Variants in OSBPL9 observed in about 807,000 individuals in gnomAD.
OSBPL9 encodes the protein oxysterol binding protein like 9, also known as oxysterol-binding protein-related protein 9.
OSBPL9 carries 40 observed loss-of-function variants against 106.6 expected under a neutral mutation model. The observed-to-expected ratio is 0.38, with a 90% confidence interval of 0.29 to 0.49. The LOEUF (loss-of-function observed/expected upper bound fraction) is 0.49, where lower values mean the gene tolerates loss of function less well. OSBPL9 is among the 20% of genes least tolerant of loss of function. OSBPL9 has a pLI of 0.97. For synonymous variants in OSBPL9, 269 were observed against 295.4 expected (o/e 0.91, Z 0.92); for missense variants, 609 against 887.2 (o/e 0.69, Z 3.98).
intron 2 of OSBPL9, among the ~76,000 whole-genome samples, chr1:51,663,840 A>G (rs538701516): frequency 9.8e-5 from 15 of 152,334 alleles, no homozygotes; most frequent in African/African-American, 3.6e-4. Context: ...AGAAACTTAA[A>G]CTATTTCACA....
chr1:51,744,767 C>A (rs1667618585), intron 4 of OSBPL9, among the ~76,000 whole-genome samples: 1 of 152,142 alleles, frequency 6.6e-6, no homozygotes. Flanking sequence ...ATTAAGAACT[C>A]AAAAGTTTCT....
intron 12 of OSBPL9, among the ~76,000 whole-genome samples, chr1:51,767,409 A>AG (rs1672799124): frequency 6.6e-6 from 1 of 151,376 alleles, no homozygotes; most frequent in South Asian, 2.1e-4. Flanking sequence ...AAAAAAAAAA[A>AG]GAAGTAGAAT....
intron 3 of OSBPL9, chr1:51,709,429 C>G: frequency 5.9e-6 from 1 of 170,120 alleles, no homozygotes; most frequent in South Asian, 1.5e-4. Flanking sequence ...TCCTGAGGGG[C>G]GGCTGGGGCC....
At chr1:51,642,842 A>G (rs1261487067) in intron 1 of OSBPL9, among the ~76,000 whole-genome samples, 2 of 152,202 alleles carry the variant, frequency 1.3e-5, no homozygotes, top group African/African-American at 2.4e-5. Flanking sequence ...AGACCAGTTG[A>G]AAACAAAAGA....
intron 1 of OSBPL9, among the ~76,000 whole-genome samples, chr1:51,649,715 T>TA (rs1397637944): frequency 6.6e-6 from 1 of 151,338 alleles, no homozygotes; most frequent in Non-Finnish European, 1.5e-5. Flanking sequence ...TTTGCTCTAT[T>TA]ACGATTGTTT....
the OSBPL9 span, among the ~76,000 whole-genome samples, chr1:51,553,033 G>C: frequency 1.1e-4 from 17 of 151,642 alleles, no homozygotes; most frequent in African/African-American, 3.9e-4. Context: ...AGCTTAATCT[G>C]CCTATTGGGT....
upstream of OSBPL9, among the ~76,000 whole-genome samples, chr1:51,615,803 A>G (rs1644039239): frequency 6.6e-6 from 1 of 151,938 alleles, no homozygotes; most frequent in Admixed American, 6.6e-5. Context: ...ACCCCCTATA[A>G]ATTAGCTACC....
the OSBPL9 span, among the ~76,000 whole-genome samples, chr1:51,522,149 T>C: frequency 1.3e-5 from 2 of 152,254 alleles, no homozygotes; most frequent in African/African-American, 4.8e-5. Flanking sequence ...TAATTGTTAT[T>C]TGGATCTTCA....
intron 1 of OSBPL9, among the ~76,000 whole-genome samples, chr1:51,587,824 C>A (rs974683835): frequency 6.6e-6 from 1 of 152,242 alleles, no homozygotes; most frequent in Non-Finnish European, 1.5e-5. Flanking sequence ...TTCATTTCCT[C>A]AGCTCCCCTC....
At chr1:51,732,395 G>C (rs1231542858) in intron 4 of OSBPL9, among the ~76,000 whole-genome samples, 1 of 152,138 alleles carries the variant, frequency 6.6e-6, no homozygotes. Flanking sequence ...GATTACTGTA[G>C]TATACTTAGA....
chr1:51,762,668 A>G (rs915709745), intron 11 of OSBPL9, among the ~76,000 whole-genome samples: 1 of 152,234 alleles, frequency 6.6e-6, no homozygotes, highest in South Asian at 2.1e-4. Context: ...ATGTATGTGC[A>G]TATACACTTA....
chr1:51,692,251 TGCAGTGA>T (rs1203246782), intron 3 of OSBPL9, among the ~76,000 whole-genome samples: 1 of 152,214 alleles, frequency 6.6e-6, no homozygotes, highest in East Asian at 1.9e-4. Context: ...TCAGGGCTGC[TGCAGTGA>T]GCTCTGATTG....
At chr1:51,698,374 T>C (rs1169882257) in intron 3 of OSBPL9, among the ~76,000 whole-genome samples, 1 of 152,126 alleles carries the variant, frequency 6.6e-6, no homozygotes, top group East Asian at 1.9e-4. Flanking sequence ...TTTAAAAAAA[T>C]GAATTACAAC....
chr1:51,576,999 T>A (rs1645188186), upstream of OSBPL9, among the ~76,000 whole-genome samples: 1 of 152,136 alleles, frequency 6.6e-6, no homozygotes, highest in Admixed American at 6.5e-5. Flanking sequence ...GGTGTTTGGA[T>A]CGTGGGGAGA....
At position 51,768,374 on chromosome 1, in the gene OSBPL9, C is replaced by T. The variant is rs551983989; in HGVS notation, c.938+2393C>T. On this transcript the variant is annotated intron_variant, in intron 12 of 23. Coordinates refer to ENST00000428468, the MANE Select transcript of OSBPL9 (RefSeq NM_024586.6). ...GATTACAGGTGCCCACCACCATGCC[C>T]AGCTAATTTTTGTACTTTTAGTAGA... 1.6e-4 allele frequency among the ~76,000 whole-genome samples: 24 copies of T among 151,328 alleles called. No homozygotes were observed. In the South Asian group the frequency reaches 5.0e-3, roughly 31 times the overall value.
chr1:51,529,242 A>G, the OSBPL9 span, among the ~76,000 whole-genome samples: 2 of 145,124 alleles, frequency 1.4e-5, no homozygotes, highest in Non-Finnish European at 3.1e-5. Flanking sequence ...ATGCTTCCTG[A>G]TTTTTTTTTT....
At chr1:51,631,104 A>G (rs1645078482) in intron 1 of OSBPL9, among the ~76,000 whole-genome samples, 1 of 152,190 alleles carries the variant, frequency 6.6e-6, no homozygotes, top group African/African-American at 2.4e-5. Context: ...GCTGGGGCCT[A>G]CAGTATGGGG....
intron 12 of OSBPL9, among the ~76,000 whole-genome samples, chr1:51,770,023 T>G (rs184676551): frequency 1.2e-4 from 18 of 152,240 alleles, no homozygotes; most frequent in Admixed American, 8.5e-4. Flanking sequence ...CAGGCTAGAG[T>G]GCAGTGGCAC....
At chr1:51,688,549 C>A (rs138867804) in intron 3 of OSBPL9, among the ~76,000 whole-genome samples, 2 of 151,842 alleles carry the variant, frequency 1.3e-5, no homozygotes, top group Non-Finnish European at 2.9e-5. Context: ...TCTAGGAGTT[C>A]GAGGCTGCTG....
Sources: allele counts gnomAD v4.1 joint callset (sites outside exome capture counted in the v4.1 genomes callset), GRCh38; gene constraint gnomAD v4.1.1; transcripts MANE v1.5; gene names NCBI Gene and HGNC (gene_info 2026-07-23, HGNC 2026-07-21).